RNMT: variants seen among roughly 807,000 people sequenced by gnomAD.
RNMT encodes the protein RNA guanine-7 methyltransferase, also known as mRNA cap guanine-N(7) methyltransferase.
A neutral mutation model predicts 56.0 loss-of-function variants in RNMT; 27 were observed. That is an observed-to-expected ratio of 0.48 (90% CI 0.36 to 0.67). The LOEUF is 0.67. Ranked by LOEUF, RNMT falls within the 30% of genes least tolerant of loss-of-function variation. The pLI is 0.00. For missense variants in RNMT, 519 were observed against 552.1 expected (o/e 0.94, Z 0.60); for synonymous variants, 184 against 176.2 (o/e 1.04, Z -0.35).
chr18:13,734,118 G>A (rs2044119873), intron 3 of RNMT, among the ~76,000 whole-genome samples: 1 of 152,092 alleles, frequency 6.6e-6, no homozygotes, highest in Non-Finnish European at 1.5e-5. Context: ...GGCTCTCATT[G>A]TCTCTTGCCT....
At chr18:13,727,707 T>G (rs181017624) in intron 1 of RNMT, among the ~76,000 whole-genome samples, 3 of 152,326 alleles carry the variant, frequency 2.0e-5, no homozygotes, top group Admixed American at 2.0e-4. Context: ...CTTCTGGGGT[T>G]TTTTGTACCC....
intron 10 of RNMT, among the ~76,000 whole-genome samples, chr18:13,753,115 A>C (rs1426832420): frequency 6.6e-6 from 1 of 152,214 alleles, no homozygotes; most frequent in African/African-American, 2.4e-5. Flanking sequence ...TATTTTTTCC[A>C]CCAGTGCTGT....
Position 13,739,543 on chromosome 18 carries a change from G to A in RNMT, c.680-624G>A, listed in dbSNP as rs182857458. Among the ~76,000 whole-genome samples, 867 of 152,292 alleles carry A rather than the reference G, an allele frequency of 5.7e-3. 3 individuals carry two copies. The highest frequency in any genetic ancestry group is 9.7e-3 in the Admixed American group (148 of 15,294). On this transcript the variant is annotated intron_variant, in intron 5 of 11. Coordinates refer to ENST00000383314, the MANE Select transcript of RNMT (RefSeq NM_003799.3). ...ATGCCTATAATCCCCAGCACTTTGG[G>A]AAGCAAAGGAGGGTGGATCACTTGA...
intron 11 of RNMT, among the ~76,000 whole-genome samples, chr18:13,755,347 G>T (rs1422044943): frequency 6.6e-6 from 1 of 152,190 alleles, no homozygotes; most frequent in Non-Finnish European, 1.5e-5. Flanking sequence ...AACATGTGCA[G>T]GTGCGTGTAA....
At chr18:13,754,226 G>C (rs1465384810) in intron 11 of RNMT, 79 bp downstream of exon 11, 2 of 963,544 alleles carry the variant, frequency 2.1e-6, no homozygotes, top group African/African-American at 1.7e-5. Flanking sequence ...CTGAAAAAAG[G>C]CTGGGCACTG....
chr18:13,749,617 G>C (rs999626300), intron 9 of RNMT, among the ~76,000 whole-genome samples: 1 of 151,918 alleles, frequency 6.6e-6, no homozygotes, highest in Non-Finnish European at 1.5e-5. Flanking sequence ...GAATTATAAA[G>C]AATTATAAAT....
At position 13,746,308 on chromosome 18, in the gene RNMT, A is replaced by G. The variant is rs1404831805; in HGVS notation, c.1228A>G (p.Met410Val). The change falls in exon 9 of 12, where the codon ATG becomes GTG. Residue 410 changes from methionine (M) to valine (V), a missense_variant. Physicochemically the swap from Met to Val is conservative, Grantham distance 21. Transcript: ENST00000383314. ...AAAGATTAAGAACAATGAAAATAAA[A>G]TGCTCTTAAAACGAATGCAGGCCTT... ...EEKIKNNENK[M>V]LLKRMQALEP... is the part of the protein sequence containing the mutation. The G allele has an allele frequency of 3.8e-6, 6 of 1,564,638 alleles. No individual in the cohort carries two copies. The highest frequency in any genetic ancestry group is 4.4e-6 in the Non-Finnish European group (5 of 1,148,286).
In RNMT at chr18:13,743,334, AAAT is replaced by A. The variant is rs1568505774; in HGVS notation, c.1139+685_1139+687del. Among the ~76,000 whole-genome samples the A allele has an allele frequency of 9.5e-4, 21 of 21,998 alleles. 1 individual carries two copies. Among genetic ancestry groups the A allele is most frequent in the African/African-American group, 3.0e-3 (16 of 5,362 alleles). The allele number at this position is 21,998 out of a possible 152,430, so 14.4% of individuals were successfully genotyped here. ...CGAAACTCCGTCTCAAAAAAAAAAT[AAAT>A]AAATAAATAAATAAATAAATAAATA... is the stretch of plus-strand genomic sequence containing the variant. On this transcript the variant is annotated intron_variant, in intron 8 of 11. Transcript: ENST00000383314.
At chr18:13,742,408 C>A in intron 7 of RNMT, 80 bp from the exon 8 acceptor site, 2 of 1,296,094 alleles carry the variant, frequency 1.5e-6, no homozygotes, top group Non-Finnish European at 2.1e-6. Context: ...TAGTTTTTCA[C>A]ATGCATAATC....
At chr18:13,744,575 C>G (rs980579905) in intron 8 of RNMT, among the ~76,000 whole-genome samples, 1 of 152,034 alleles carries the variant, frequency 6.6e-6, no homozygotes, top group Non-Finnish European at 1.5e-5. Context: ...TTTCTAAAGG[C>G]TTATTTTAGA....
At chr18:13,727,538 T>G (rs1416442605) in intron 1 of RNMT, among the ~76,000 whole-genome samples, 1 of 152,248 alleles carries the variant, frequency 6.6e-6, no homozygotes, top group Non-Finnish European at 1.5e-5. Flanking sequence ...GCATACAATG[T>G]GTAACGACTA....
intron 11 of RNMT, among the ~76,000 whole-genome samples, chr18:13,759,007 ATG>A (rs2044586279): frequency 1.3e-5 from 2 of 152,158 alleles, no homozygotes; most frequent in African/African-American, 4.8e-5. Flanking sequence ...CATGACATTT[ATG>A]AGTTCTCCAT....
In RNMT at chr18:13,763,177, C is replaced by T. The variant is rs2044640035; in HGVS notation, c.*3198C>T. 1.1e-5 allele frequency: 5 copies of T among 455,288 alleles called. No homozygotes were observed. The highest frequency in any genetic ancestry group is 7.8e-5 in the South Asian group (5 of 64,456). The allele number at this position is 455,288 out of a possible 1,614,324, so 28.2% of individuals were successfully genotyped here. ...CCTCCCTAGTTGCTGCTATATCAAACACTGCACACTTGACAAGTGTTTTCA... is the reference window on the plus strand; with the variant it reads ...CCTCCCTAGTTGCTGCTATATCAAATACTGCACACTTGACAAGTGTTTTCA... On this transcript the variant is annotated 3_prime_UTR_variant, in exon 12 of 12. Transcript: ENST00000383314.
chr18:13,763,180 T>C lies in RNMT; in HGVS notation c.*3201T>C. ...CCCTAGTTGCTGCTATATCAAACAC[T>C]GCACACTTGACAAGTGTTTTCATTC... On this transcript the variant is annotated 3_prime_UTR_variant, in exon 12 of 12. Coordinates refer to ENST00000383314, the MANE Select transcript of RNMT (RefSeq NM_003799.3). The C allele has an allele frequency of 2.2e-6, 1 of 455,226 alleles. No homozygotes were observed. Among genetic ancestry groups the C allele is most frequent in the Non-Finnish European group, 4.4e-6 (1 of 226,382 alleles). The allele number at this position is 455,226 out of a possible 1,614,324, so 28.2% of individuals were successfully genotyped here.
chr18:13,743,727 A>G (rs540004920), intron 8 of RNMT, among the ~76,000 whole-genome samples: 2 of 151,926 alleles, frequency 1.3e-5, no homozygotes, highest in South Asian at 4.2e-4. Flanking sequence ...ATATTAACTG[A>G]GAAAAAGAAG....
chr18:13,759,187 G>A (rs56860857), intron 11 of RNMT, among the ~76,000 whole-genome samples: 1 of 152,280 alleles, frequency 6.6e-6, no homozygotes, highest in African/African-American at 2.4e-5. Context: ...ATGTGCTGTT[G>A]GAAAAATGGT....
At chr18:13,732,598 T>G (rs1160934198) in intron 3 of RNMT, among the ~76,000 whole-genome samples, 1 of 152,144 alleles carries the variant, frequency 6.6e-6, no homozygotes, top group African/African-American at 2.4e-5. Context: ...AGAAAGGAAT[T>G]TGAGGCAGAA....
intron 8 of RNMT, among the ~76,000 whole-genome samples, chr18:13,743,322 CA>C (rs55940639): frequency 1.1e-4 from 3 of 28,204 alleles, no homozygotes; most frequent in East Asian, 4.3e-3. Flanking sequence ...AACTCCGTCT[CA>C]AAAAAAAAAT....
chr18:13,747,889 A>G (rs754746456), intron 9 of RNMT, among the ~76,000 whole-genome samples: 7 of 152,228 alleles, frequency 4.6e-5, no homozygotes, highest in Non-Finnish European at 1.0e-4. Flanking sequence ...TCCCACATAT[A>G]CAGCATATCT....
Sources: gnomAD v4.1 joint callset for allele counts (sites outside exome capture counted in the v4.1 genomes callset) on GRCh38, gnomAD v4.1.1 for gene constraint, MANE v1.5 for transcripts, NCBI Gene and HGNC (gene_info 2026-07-23, HGNC 2026-07-21) for gene names.